Variants in ZBTB44 observed in about 807,000 individuals in gnomAD.
ZBTB44 encodes zinc finger and BTB domain-containing protein 44.
In ZBTB44, 15 loss-of-function variants were observed where a neutral mutation model predicts 54.0. The ratio of observed to expected loss-of-function variants is 0.28; its 90% CI spans 0.19 to 0.43. The LOEUF is 0.43. Ranked by LOEUF, ZBTB44 falls within the 20% of genes least tolerant of loss-of-function variation. ZBTB44 has a pLI of 1.00. For synonymous variants in ZBTB44, 230 were observed against 250.1 expected (o/e 0.92, Z 0.76); for missense variants, 487 against 707.1 (o/e 0.69, Z 3.53).
At chr11:130,249,560 C>T (rs1481950187) in intron 2 of ZBTB44, among the ~76,000 whole-genome samples, 1 of 152,182 alleles carries the variant, frequency 6.6e-6, no homozygotes, top group Non-Finnish European at 1.5e-5. Flanking sequence ...GAGACCAACA[C>T]AGAAGGCAGG....
Position 130,236,931 on chromosome 11 carries a change from G to A in ZBTB44, c.1430C>T (p.Ser477Phe). 6.2e-7 allele frequency: 1 copy of A among 1,607,618 alleles called. No individual in the cohort carries two copies. The highest frequency in any genetic ancestry group is 8.5e-7 in the Non-Finnish European group (1 of 1,177,464). Residue 477 changes from serine (S) to phenylalanine (F), a missense_variant, in exon 5 of 8, where the codon TCC (serine) becomes TTC (phenylalanine). By Grantham distance (155) the Ser-to-Phe change is radical (BLOSUM62 -2). This residue lies in a region of ZBTB44 where 120 missense variants were observed against 240.3 expected (regional missense o/e 0.50). Coordinates refer to ENST00000357899, the MANE Select transcript of ZBTB44 (RefSeq NM_001301098.2). Reference sequence around the variant, plus strand: ...CCGAGGCTTGCGGATAATGTGCCGGGAAACCCTCATGTGGTGTTTATATTC... The same window carrying A: ...CCGAGGCTTGCGGATAATGTGCCGGAAAACCCTCATGTGGTGTTTATATTC... ...FGEYKHHMRV[S>F]RHIIRKPRIY...
At chr11:130,307,764 A>AG (rs1942360643) in intron 1 of ZBTB44, among the ~76,000 whole-genome samples, 1 of 152,174 alleles carries the variant, frequency 6.6e-6, no homozygotes, top group African/African-American at 2.4e-5. Flanking sequence ...CCTGACTTCA[A>AG]ACTATACTAC....
chr11:130,237,546 T>A (rs943431457), intron 4 of ZBTB44, among the ~76,000 whole-genome samples: 1 of 152,224 alleles, frequency 6.6e-6, no homozygotes, highest in Non-Finnish European at 1.5e-5. Context: ...AATTTTAACA[T>A]CTCTGAATGT....
chr11:130,295,817 T>C (rs1941606303), intron 1 of ZBTB44: 26 of 1,380,798 alleles, frequency 1.9e-5, no homozygotes, highest in Admixed American at 5.0e-5. Flanking sequence ...GTCCTTGTTC[T>C]CTCACCTACT....
chr11:130,289,355 T>C (rs530323853), intron 1 of ZBTB44, among the ~76,000 whole-genome samples: 2 of 151,916 alleles, frequency 1.3e-5, no homozygotes, highest in South Asian at 2.1e-4. Context: ...CAGTGGCGCA[T>C]GCCTGTAATC....
chr11:130,289,853 T>C (rs1282207785), intron 1 of ZBTB44, among the ~76,000 whole-genome samples: 1 of 152,214 alleles, frequency 6.6e-6, no homozygotes, highest in Non-Finnish European at 1.5e-5. Context: ...ATAAATTGAA[T>C]ACCCTCATAC....
Position 130,274,550 on chromosome 11 carries a change from A to G in ZBTB44, c.-56-12621T>C, listed in dbSNP as rs150281136. Among the ~76,000 whole-genome samples, 51 of 152,336 alleles carry G rather than the reference A, an allele frequency of 3.3e-4. 1 individual carries two copies. The East Asian group carries it at 9.4e-3, about 28-fold the overall frequency. ...AACTCTTCTCTATTCCTAGTTTGCTACAGTGTTACTATCACTAAAGGGAAT... is the reference window on the plus strand; with the variant it reads ...AACTCTTCTCTATTCCTAGTTTGCTGCAGTGTTACTATCACTAAAGGGAAT... On this transcript the variant is annotated intron_variant, in intron 1 of 7. Coordinates refer to ENST00000357899, the MANE Select transcript of ZBTB44 (RefSeq NM_001301098.2).
At chr11:130,273,964 T>C (rs530882680) in intron 1 of ZBTB44, among the ~76,000 whole-genome samples, 1 of 140,202 alleles carries the variant, frequency 7.1e-6, no homozygotes, top group East Asian at 2.1e-4. Flanking sequence ...GGCACATGCC[T>C]GTAATCCCAG....
rs1942857940 is a variant in ZBTB44, at chr11:130,314,858, CG to C, written c.-541del. 1.3e-5 allele frequency: 2 copies of C among 152,042 alleles called. No homozygotes were observed. The highest frequency in any genetic ancestry group is 4.9e-5 in the African/African-American group (2 of 41,232). 9.4% of individuals were successfully genotyped at this position (152,042 alleles called of 1,614,324 possible). ...GCCGCGCGCGTGCGGCCGGCGCCGC[CG>C]CCGTTGCCGCTCCGCTCACTCCAGC... is the stretch of plus-strand genomic sequence containing the variant. On this transcript the variant is annotated 5_prime_UTR_variant, in exon 1 of 8. Transcript: ENST00000357899.
At chr11:130,244,586 G>A (rs1391087722) in intron 2 of ZBTB44, among the ~76,000 whole-genome samples, 2 of 150,238 alleles carry the variant, frequency 1.3e-5, no homozygotes, top group African/African-American at 4.9e-5. Context: ...AGAATGGCGT[G>A]AACATGGGAG....
At chr11:130,276,609 A>G (rs1352526306) in intron 1 of ZBTB44, among the ~76,000 whole-genome samples, 1 of 151,744 alleles carries the variant, frequency 6.6e-6, no homozygotes, top group Admixed American at 6.6e-5. Flanking sequence ...TAATTTTTGT[A>G]TTTTTAGTAG....
At chr11:130,310,681 G>A (rs1942546151) in intron 1 of ZBTB44, among the ~76,000 whole-genome samples, 1 of 152,138 alleles carries the variant, frequency 6.6e-6, no homozygotes. Context: ...TATGGTAAAG[G>A]TAAACAATAC....
chr11:130,311,814 A>G (rs1384043803), intron 1 of ZBTB44, among the ~76,000 whole-genome samples: 2 of 152,130 alleles, frequency 1.3e-5, no homozygotes, highest in African/African-American at 4.8e-5. Context: ...GTATAAGATA[A>G]ACCCTGGAGT....
chr11:130,307,733 ACTGC>A (rs1942358487), intron 1 of ZBTB44, among the ~76,000 whole-genome samples: 1 of 152,150 alleles, frequency 6.6e-6, no homozygotes, highest in African/African-American at 2.4e-5. Flanking sequence ...ATCTGGGCTC[ACTGC>A]TGGAGGAATC....
chr11:130,259,963 A>T (rs1323581804), intron 2 of ZBTB44, among the ~76,000 whole-genome samples: 10 of 152,158 alleles, frequency 6.6e-5, no homozygotes, highest in Non-Finnish European at 1.5e-5. Flanking sequence ...AAAGAAAAAA[A>T]TACTGCCAGA....
chr11:130,302,141 C>CT (rs1244838514), intron 1 of ZBTB44, among the ~76,000 whole-genome samples: 1 of 152,082 alleles, frequency 6.6e-6, no homozygotes, highest in Admixed American at 6.5e-5. Flanking sequence ...TCTAAGTACG[C>CT]TTTACATATT....
At chr11:130,259,937 G>C (rs1431758428) in intron 2 of ZBTB44, among the ~76,000 whole-genome samples, 1 of 150,846 alleles carries the variant, frequency 6.6e-6, no homozygotes, top group Non-Finnish European at 1.5e-5. Flanking sequence ...ATGTACCCCA[G>C]AATTTGAATT....
Position 130,233,203 on chromosome 11 carries a change from C to G in ZBTB44, c.*48+105G>C, listed in dbSNP as rs188581433. 9.0e-5 allele frequency: 129 copies of G among 1,441,252 alleles called. No individual in the cohort carries two copies. In the African/African-American group the frequency reaches 1.6e-3, roughly 18 times the overall value. The allele number at this position is 1,441,252 out of a possible 1,614,324, so 89.3% of individuals were successfully genotyped here. On this transcript the variant is annotated intron_variant, in intron 7 of 7. Transcript: ENST00000357899. ...TGATGGGGCAGGGGGAAAACTGATCCGGGCAATGACACAGTCAGGCATTAC... is the reference window on the plus strand; with the variant it reads ...TGATGGGGCAGGGGGAAAACTGATCGGGGCAATGACACAGTCAGGCATTAC...
chr11:130,276,915 T>C (rs1199892142), intron 1 of ZBTB44, among the ~76,000 whole-genome samples: 1 of 152,160 alleles, frequency 6.6e-6, no homozygotes, highest in Non-Finnish European at 1.5e-5. Context: ...TAGTAACACT[T>C]TTTGTTATAA....
Sources: gnomAD v4.1 joint callset for allele counts (sites outside exome capture counted in the v4.1 genomes callset) on GRCh38, gnomAD v4.1.1 for gene constraint, gnomAD v4.1.1 regional missense constraint, MANE v1.5 for transcripts, NCBI Gene and HGNC (gene_info 2026-07-23, HGNC 2026-07-21) for gene names.